The following RABGAP1 variants were observed in gnomAD, a reference collection of about 807,000 sequenced individuals.
RABGAP1 encodes the protein RAB GTPase activating protein 1.
Under a neutral mutation model 137.6 loss-of-function variants are expected in RABGAP1, and 23 were observed. That is an observed-to-expected ratio of 0.17 (90% confidence interval 0.12 to 0.24). RABGAP1 has a LOEUF of 0.24. RABGAP1 is among the 10% of genes least tolerant of loss of function. RABGAP1 has a pLI of 1.00. For synonymous variants in RABGAP1, 451 were observed against 450.7 expected (o/e 1.00, Z -0.01); for missense variants, 906 against 1,275.8 (o/e 0.71, Z 4.42).
chr9:123,032,262 G>C (rs2032342886), intron 13 of RABGAP1, among the ~76,000 whole-genome samples: 1 of 152,222 alleles, frequency 6.6e-6, no homozygotes, highest in African/African-American at 2.4e-5. Flanking sequence ...ACCCTGTGAA[G>C]TAAGGAGTGT....
At chr9:123,092,623 G>A (rs926327974) in intron 21 of RABGAP1, among the ~76,000 whole-genome samples, 2 of 125,856 alleles carry the variant, frequency 1.6e-5, no homozygotes, top group African/African-American at 4.9e-5. Context: ...ATGAATCAAT[G>A]TCATAACCGT....
chr9:123,030,035 A>G (rs2131973243), intron 13 of RABGAP1, among the ~76,000 whole-genome samples: 1 of 152,122 alleles, frequency 6.6e-6, no homozygotes, highest in South Asian at 2.1e-4. Flanking sequence ...TGTTATTTTA[A>G]TTATTTTGGC....
intron 13 of RABGAP1, chr9:123,034,350 C>T (rs2032487361): frequency 3.5e-6 from 2 of 566,840 alleles, no homozygotes; most frequent in Admixed American, 3.4e-5. Flanking sequence ...ACTGGCCAGA[C>T]AACTGCTGCT....
chr9:122,963,137 G>A (rs1490612877), intron 2 of RABGAP1, among the ~76,000 whole-genome samples: 1 of 152,174 alleles, frequency 6.6e-6, no homozygotes, highest in East Asian at 1.9e-4. Flanking sequence ...AGCCGGGCGT[G>A]GTGGCTGACT....
At chr9:123,100,595 AT>A (rs2035316876) in intron 24 of RABGAP1, among the ~76,000 whole-genome samples, 1 of 151,620 alleles carries the variant, frequency 6.6e-6, no homozygotes, top group African/African-American at 2.4e-5. Flanking sequence ...TAATTTTTCG[AT>A]TTTTAGTAGA....
intron 14 of RABGAP1, among the ~76,000 whole-genome samples, chr9:123,066,917 C>G (rs776797043): frequency 6.6e-6 from 1 of 152,184 alleles, no homozygotes; most frequent in Non-Finnish European, 1.5e-5. Flanking sequence ...ATCCCCCACA[C>G]TAATTATTTA....
Position 123,103,963 on chromosome 9 carries a change from T to TTGTGTGTGTGTGTGTGTG in RABGAP1, c.*766_*783dup, listed in dbSNP as rs10675843. The TTGTGTGTGTGTGTGTGTG allele has an allele frequency of 1.2e-4, 17 of 141,606 alleles. No individual in the cohort carries two copies. Among genetic ancestry groups the TTGTGTGTGTGTGTGTGTG allele is most frequent in the African/African-American group, 4.2e-4 (16 of 37,686 alleles). The allele number at this position is 141,606 out of a possible 1,614,324, so 8.8% of individuals were successfully genotyped here. A position where few individuals can be genotyped will look rare whatever the true frequency, so the allele number is the denominator to read the frequency against. Reference sequence around the variant, plus strand: ...ACAAATCTTATTTTGCTTAATGTGTTTGTGTGTGTGTGTGTGTGTGTGTGT... The same window carrying TTGTGTGTGTGTGTGTGTG: ...ACAAATCTTATTTTGCTTAATGTGTTTGTGTGTGTGTGTGTGTGTGTGTGTGTGTGTGTGTGTGTGTGT... On this transcript the variant is annotated 3_prime_UTR_variant, in exon 26 of 26. Coordinates refer to ENST00000373647, the MANE Select transcript of RABGAP1 (RefSeq NM_012197.4).
At chr9:122,976,887 G>A (rs924734779) in intron 2 of RABGAP1, among the ~76,000 whole-genome samples, 7 of 152,166 alleles carry the variant, frequency 4.6e-5, no homozygotes, top group African/African-American at 7.2e-5. Context: ...CAGAATTTAA[G>A]GTTGGTCTTA....
In RABGAP1 at chr9:122,990,169, T is replaced by C; in HGVS notation, c.879T>C (p.Ser293=). Residue 293 remains serine (S), a synonymous_variant, in exon 6 of 26, where the codon TCT becomes TCC. Transcript: ENST00000373647. Reference sequence around the variant, plus strand: ...CTGACAGTGACATCTTTACCTTCTCTGTGTCTTTAGAAATAAAAGAAGATG... The same window carrying C: ...CTGACAGTGACATCTTTACCTTCTCCGTGTCTTTAGAAATAAAAGAAGATG... ...QTPDSDIFTF[S]VSLEIKEDDG... is the part of the protein sequence containing the mutation. The C allele has an allele frequency of 5.0e-6, 8 of 1,611,318 alleles. No homozygotes were observed. The highest frequency in any genetic ancestry group is 1.6e-4 in the Middle Eastern group (1 of 6,062).
chr9:122,974,415 CTTTTTTTTTTTTT>C (rs11331973), intron 2 of RABGAP1, among the ~76,000 whole-genome samples: 5 of 58,218 alleles, frequency 8.6e-5, no homozygotes, highest in African/African-American at 1.4e-4. Context: ...ATGGCTTTGT[CTTTTTTTTTTTTT>C]TTTTTTTTTT....
chr9:123,003,081 TA>T (rs1246143010), intron 10 of RABGAP1, among the ~76,000 whole-genome samples: 2 of 152,196 alleles, frequency 1.3e-5, no homozygotes, highest in African/African-American at 4.8e-5. Context: ...TTCGCTGTCT[TA>T]AAGCATTTAG....
At chr9:123,076,109 T>G (rs1415892951) in intron 17 of RABGAP1, 136 bp from the exon 18 acceptor site, 1 of 889,284 alleles carries the variant, frequency 1.1e-6, no homozygotes, top group African/African-American at 1.8e-5. Context: ...TTTTTATTTT[T>G]CAAGGTAGTT....
At chr9:123,026,525 T>G (rs993914821) in intron 13 of RABGAP1, among the ~76,000 whole-genome samples, 1 of 152,174 alleles carries the variant, frequency 6.6e-6, no homozygotes, top group Non-Finnish European at 1.5e-5. Flanking sequence ...GGAATAAATT[T>G]TTATAGACCA....
chr9:123,052,780 AAAG>A (rs1266868853), intron 13 of RABGAP1, among the ~76,000 whole-genome samples: 6 of 152,296 alleles, frequency 3.9e-5, no homozygotes, highest in African/African-American at 1.4e-4. Context: ...AAAAAGAAAA[AAAG>A]AAAAAAATTA....
At position 123,074,526 on chromosome 9, in the gene RABGAP1, G is replaced by T. The variant is rs894392964; in HGVS notation, c.2253+98G>T. 5.4e-6 allele frequency: 7 copies of T among 1,308,200 alleles called. No individual in the cohort carries two copies. The African/African-American group carries it at 1.1e-4, about 20-fold the overall frequency. The allele number at this position is 1,308,200 out of a possible 1,614,324, so 81.0% of individuals were successfully genotyped here. The stretch of plus-strand genomic sequence containing the variant: ...TGTCAGCTCTGTCAAAACAGAATTG[G>T]TCTCTTTAATTATTTTATTTTATTG... On this transcript the variant is annotated intron_variant, in intron 17 of 25. Transcript: ENST00000373647.
At chr9:123,047,212 A>G (rs2033244365) in intron 13 of RABGAP1, among the ~76,000 whole-genome samples, 1 of 152,228 alleles carries the variant, frequency 6.6e-6, no homozygotes, top group Admixed American at 6.5e-5. Flanking sequence ...ACTAATCAAA[A>G]TGTTCTCTTG....
At chr9:123,041,566 T>C (rs951613680) in intron 13 of RABGAP1, among the ~76,000 whole-genome samples, 196 of 152,320 alleles carry the variant, frequency 1.3e-3, no homozygotes, top group African/African-American at 4.5e-3. Flanking sequence ...TGAATATGCA[T>C]ATTTCTGTTA....
intron 13 of RABGAP1, among the ~76,000 whole-genome samples, chr9:123,043,634 G>T (rs10465141): frequency 2.6e-5 from 4 of 151,388 alleles, no homozygotes; most frequent in South Asian, 2.1e-4. Flanking sequence ...GAAGTGTTTG[G>T]GGGGTGAGGG....
At position 122,957,224 on chromosome 9, in the gene RABGAP1, C is replaced by T. The variant is rs766775962; in HGVS notation, c.150+15C>T. 6.7e-7 allele frequency: 1 copy of T among 1,493,942 alleles called. No individual in the cohort carries two copies. Among genetic ancestry groups the T allele is most frequent in the Non-Finnish European group, 9.1e-7 (1 of 1,100,698 alleles). The allele number at this position is 1,493,942 out of a possible 1,614,324, so 92.5% of individuals were successfully genotyped here. ...CAGGACTCAAGGTAAAACTCCCTAACCTAAGATTGTTTTGCTTAGCTTTTC... is the reference window on the plus strand; with the variant it reads ...CAGGACTCAAGGTAAAACTCCCTAATCTAAGATTGTTTTGCTTAGCTTTTC... On this transcript the variant is annotated intron_variant, in intron 2 of 25. Coordinates refer to ENST00000373647, the MANE Select transcript of RABGAP1 (RefSeq NM_012197.4).
Sources: gnomAD v4.1 joint callset for allele counts (sites outside exome capture counted in the v4.1 genomes callset) on GRCh38, gnomAD v4.1.1 for gene constraint, MANE v1.5 for transcripts, NCBI Gene and HGNC (gene_info 2026-07-23, HGNC 2026-07-21) for gene names.